The following CEP63 variants were observed in gnomAD, a reference collection of about 807,000 sequenced individuals.
CEP63 encodes the protein centrosomal protein of 63 kDa.
A neutral mutation model predicts 89.1 loss-of-function variants in CEP63; 84 were observed. The observed-to-expected ratio is 0.94, with a 90% CI of 0.79 to 1.13. CEP63 has a LOEUF of 1.13. Ranked by LOEUF, CEP63 falls within the 50% of genes most tolerant of loss-of-function variation. The pLI is 0.00. For missense variants in CEP63, 838 were observed against 813.3 expected, an observed-to-expected ratio of 1.03 and a Z score of -0.37; for synonymous variants, 267 against 272.5, an observed-to-expected ratio of 0.98 and a Z score of 0.20.
At chr3:134,755,391 G>C in the CEP63 span, among the ~76,000 whole-genome samples, 1 of 152,184 alleles carries the variant, frequency 6.6e-6, no homozygotes. Context: ...TCCGATCCCA[G>C]AGAGCATCTC....
At chr3:134,766,283 A>G in the CEP63 span, among the ~76,000 whole-genome samples, 3 of 152,218 alleles carry the variant, frequency 2.0e-5, no homozygotes, top group African/African-American at 7.2e-5. Flanking sequence ...GCCCTCCAGG[A>G]TTCAGCAGTC....
chr3:134,571,434 C>T (rs952871385), intron 11 of CEP63, among the ~76,000 whole-genome samples: 7 of 152,164 alleles, frequency 4.6e-5, no homozygotes, highest in South Asian at 2.1e-4. Context: ...GTAATCCCAG[C>T]GCTTTGGGAG....
the CEP63 span, chr3:134,619,325 C>T: frequency 7.9e-7 from 1 of 1,268,918 alleles, no homozygotes; most frequent in Non-Finnish European, 1.2e-6. Flanking sequence ...AAGACTCCAC[C>T]CCAACCCCCA....
At chr3:134,601,703 GC>G in the CEP63 span, among the ~76,000 whole-genome samples, 3 of 152,234 alleles carry the variant, frequency 2.0e-5, no homozygotes, top group Non-Finnish European at 2.9e-5. Flanking sequence ...GGACAGTTCA[GC>G]CCCCCAGGGG....
chr3:134,682,013 C>G, the CEP63 span, among the ~76,000 whole-genome samples: 2 of 152,180 alleles, frequency 1.3e-5, no homozygotes, highest in Non-Finnish European at 2.9e-5. Flanking sequence ...TCTGGATCAC[C>G]CAGCTCCCCT....
At chr3:134,668,588 TATC>T in the CEP63 span, among the ~76,000 whole-genome samples, 3 of 152,100 alleles carry the variant, frequency 2.0e-5, no homozygotes, top group East Asian at 5.8e-4. Flanking sequence ...GCCAAGAACA[TATC>T]ATGGAGCTGC....
chr3:134,598,398 C>T, the CEP63 span, among the ~76,000 whole-genome samples: 1 of 152,214 alleles, frequency 6.6e-6, no homozygotes, highest in Non-Finnish European at 1.5e-5. Flanking sequence ...GCCTTTCCCG[C>T]TAGTGCCTAA....
chr3:134,678,735 G>A, the CEP63 span, among the ~76,000 whole-genome samples: 5 of 152,178 alleles, frequency 3.3e-5, no homozygotes, highest in African/African-American at 1.2e-4. Context: ...TTCAAGCCTA[G>A]CTCTAGGGAC....
chr3:134,583,370 A>G (rs1560080206), intron 10 of CEP63, among the ~76,000 whole-genome samples: 1 of 152,186 alleles, frequency 6.6e-6, no homozygotes, highest in Non-Finnish European at 1.5e-5. Context: ...GGTGTAAGGA[A>G]GGGATCCAGT....
At chr3:134,630,223 G>A in the CEP63 span, among the ~76,000 whole-genome samples, 1 of 152,180 alleles carries the variant, frequency 6.6e-6, no homozygotes, top group Non-Finnish European at 1.5e-5. Flanking sequence ...ATCTTTTGTT[G>A]TTGTTTTTCC....
the CEP63 span, among the ~76,000 whole-genome samples, chr3:134,666,723 G>A: frequency 0.019 from 2,904 of 152,248 alleles, 54 homozygotes; most frequent in Middle Eastern, 0.041. Flanking sequence ...CTCTGTGGCC[G>A]GGCCAAGGCA....
chr3:134,579,103 G>A (rs1958286714), downstream of CEP63, among the ~76,000 whole-genome samples: 1 of 152,188 alleles, frequency 6.6e-6, no homozygotes, highest in South Asian at 2.1e-4. Flanking sequence ...TGGTGATGGT[G>A]TTAACACTTG....
the CEP63 span, among the ~76,000 whole-genome samples, chr3:134,594,013 G>T: frequency 6.6e-6 from 1 of 152,210 alleles, no homozygotes; most frequent in East Asian, 1.9e-4. Flanking sequence ...TTCAAGTGCT[G>T]CCAGTATCTT....
At chr3:134,634,291 A>C in the CEP63 span, among the ~76,000 whole-genome samples, 3 of 152,152 alleles carry the variant, frequency 2.0e-5, no homozygotes, top group Non-Finnish European at 4.4e-5. Flanking sequence ...AACTGGAATA[A>C]CTAAACTAAT....
intron 3 of CEP63, among the ~76,000 whole-genome samples, chr3:134,522,288 A>C (rs1463374479): frequency 1.3e-5 from 2 of 152,170 alleles, no homozygotes; most frequent in Non-Finnish European, 2.9e-5. Flanking sequence ...AGGAGGAATC[A>C]TTAGGTGTGA....
downstream of CEP63, among the ~76,000 whole-genome samples, chr3:134,588,827 C>T (rs536217600): frequency 2.7e-4 from 41 of 151,582 alleles, no homozygotes; most frequent in African/African-American, 9.7e-4. Flanking sequence ...CTAGACTTAT[C>T]AAGAAAAAAA....
At chr3:134,537,603 T>C (rs1199904746) in intron 6 of CEP63, among the ~76,000 whole-genome samples, 1 of 152,188 alleles carries the variant, frequency 6.6e-6, no homozygotes, top group African/African-American at 2.4e-5. Flanking sequence ...TTCACTCTCC[T>C]CATCTTGGTC....
intron 2 of CEP63, among the ~76,000 whole-genome samples, chr3:134,497,872 A>G (rs893858374): frequency 7.2e-5 from 11 of 152,088 alleles, no homozygotes; most frequent in Non-Finnish European, 1.5e-4. Context: ...TTTGTTGAAA[A>G]TCAGTGGGCT....
At chr3:134,722,191 C>T in the CEP63 span, among the ~76,000 whole-genome samples, 8 of 152,058 alleles carry the variant, frequency 5.3e-5, no homozygotes, top group Admixed American at 2.0e-4. Flanking sequence ...CTTCCCAAGT[C>T]AGTCTTGGAG....
Sources: allele counts gnomAD v4.1 joint callset (sites outside exome capture counted in the v4.1 genomes callset), GRCh38; gene constraint gnomAD v4.1.1; transcripts MANE v1.5; gene names NCBI Gene and HGNC (gene_info 2026-07-23, HGNC 2026-07-21).